CALN1: variants seen among roughly 807,000 people sequenced by gnomAD.
The protein encoded by CALN1 is calcium-binding protein 8.
CALN1 carries 17 observed loss-of-function variants against 30.6 expected under a neutral mutation model. The observed-to-expected ratio is 0.56, with a 90% CI of 0.38 to 0.83. The LOEUF (loss-of-function observed/expected upper bound fraction) is 0.83, where lower values mean the gene tolerates loss of function less well. Ranked by LOEUF, CALN1 falls within the 40% of genes least tolerant of loss-of-function variation. The pLI is 0.00. For missense variants in CALN1, 291 were observed against 354.9 expected (o/e 0.82, Z 1.45); for synonymous variants, 156 against 131.4 (o/e 1.19, Z -1.28).
chr7:72,294,224 T>C (rs766469502), intron 2 of CALN1, among the ~76,000 whole-genome samples: 3 of 152,146 alleles, frequency 2.0e-5, no homozygotes, highest in Non-Finnish European at 2.9e-5. Context: ...TTAAAATAAG[T>C]AGAGAAGTTT....
At chr7:72,420,343 C>T (rs574617020) in intron 1 of CALN1, among the ~76,000 whole-genome samples, 32 of 152,054 alleles carry the variant, frequency 2.1e-4, no homozygotes, top group Non-Finnish European at 4.1e-4. Context: ...GGCTCTAAAC[C>T]CCACAGGCAA....
intron 2 of CALN1, among the ~76,000 whole-genome samples, chr7:72,362,458 G>A (rs776728794): frequency 5.9e-5 from 9 of 152,082 alleles, no homozygotes; most frequent in Non-Finnish European, 1.2e-4. Flanking sequence ...CATCACCCTA[G>A]GAGGGTGATC....
At chr7:72,270,921 G>A (rs1186942765) in intron 3 of CALN1, among the ~76,000 whole-genome samples, 1 of 152,228 alleles carries the variant, frequency 6.6e-6, no homozygotes, top group African/African-American at 2.4e-5. Flanking sequence ...AGTGAATGCT[G>A]TTGTCTAGGA....
Position 72,074,874 on chromosome 7 carries a change from C to T in CALN1, c.388+31277G>A, listed in dbSNP as rs147251137. Among the ~76,000 whole-genome samples the T allele has an allele frequency of 2.5e-3, 386 of 152,270 alleles. 11 individuals are homozygous for T. The highest frequency in any genetic ancestry group is 3.7e-3 in the South Asian group (18 of 4,826). ...GGAACCTGGGGAACCAAACATAAAT[C>T]GGAGTAGATCACACTTCGAAGAAGT... On this transcript the variant is annotated intron_variant, in intron 4 of 6. Coordinates refer to ENST00000395275, the MANE Select transcript of CALN1 (RefSeq NM_031468.4).
intron 4 of CALN1, among the ~76,000 whole-genome samples, chr7:72,093,666 A>G (rs964466322): frequency 1.3e-5 from 2 of 152,188 alleles, no homozygotes; most frequent in African/African-American, 4.8e-5. Flanking sequence ...CTGCTTCTGA[A>G]CACCCTTGTA....
intron 3 of CALN1, among the ~76,000 whole-genome samples, chr7:72,203,381 C>T (rs997047075): frequency 7.9e-5 from 12 of 151,766 alleles, no homozygotes; most frequent in South Asian, 2.1e-4. Flanking sequence ...CTTAAATTTA[C>T]GCGAAACAAT....
chr7:71,923,776 G>C (rs886281441), intron 5 of CALN1, among the ~76,000 whole-genome samples: 6 of 146,162 alleles, frequency 4.1e-5, no homozygotes. Flanking sequence ...CACTTTTTTA[G>C]AGCACCACAA....
chr7:72,136,533 T>C (rs1374747106), intron 3 of CALN1, among the ~76,000 whole-genome samples: 2 of 152,240 alleles, frequency 1.3e-5, no homozygotes, highest in Non-Finnish European at 2.9e-5. Flanking sequence ...TGCTTTCTTA[T>C]CATTTGTGTG....
intron 2 of CALN1, chr7:72,337,112 C>CCCGGAGCCCAGTGG: frequency 1.0e-6 from 1 of 985,758 alleles, no homozygotes. Context: ...CTCGCTGCGC[C>CCCGGAGCCCAGTGG]CCGGAGCCCA....
rs888588661 is a variant in CALN1 at position 72,307,674 on chromosome 7, G to C, written c.120-28864C>G. On this transcript the variant is annotated intron_variant, in intron 2 of 6. Coordinates refer to ENST00000395275, the MANE Select transcript of CALN1 (RefSeq NM_031468.4). ...GAAGCAACCTCCTGGCTGAGCCTCT[G>C]GTGCAGATGCCGTGGGGAGGTGACG... Among the ~76,000 whole-genome samples, 3 of 152,146 alleles carry C rather than the reference G, an allele frequency of 2.0e-5. No individual in the cohort carries two copies. In the South Asian group the frequency reaches 6.2e-4, roughly 32 times the overall value.
At chr7:71,803,295 G>C (rs528775858) in intron 6 of CALN1, among the ~76,000 whole-genome samples, 56 of 152,182 alleles carry the variant, frequency 3.7e-4, no homozygotes, top group Non-Finnish European at 3.2e-4. Flanking sequence ...TTTTCCATCG[G>C]GAAGCCAGGT....
intron 2 of CALN1, chr7:72,337,043 G>C (rs566906645): frequency 2.0e-6 from 2 of 985,700 alleles, no homozygotes; most frequent in East Asian, 1.1e-4. Flanking sequence ...TGCACCGCGC[G>C]CTCCTCTACC....
intron 3 of CALN1, among the ~76,000 whole-genome samples, chr7:72,222,440 T>G (rs934515053): frequency 1.3e-5 from 2 of 152,072 alleles, no homozygotes; most frequent in South Asian, 4.2e-4. Context: ...CACACACTTT[T>G]AAACTATCAG....
At chr7:71,910,940 C>A (rs181974221) in intron 5 of CALN1, among the ~76,000 whole-genome samples, 4 of 152,258 alleles carry the variant, frequency 2.6e-5, no homozygotes, top group Non-Finnish European at 5.9e-5. Context: ...AAACGCCCAA[C>A]AGAAGCAATT....
At chr7:72,236,471 C>T (rs1034660220) in intron 3 of CALN1, among the ~76,000 whole-genome samples, 2 of 152,094 alleles carry the variant, frequency 1.3e-5, no homozygotes, top group Non-Finnish European at 2.9e-5. Flanking sequence ...CATATATGTT[C>T]GTTAAACCAG....
chr7:72,194,809 C>A lies in CALN1; in HGVS notation c.244+83877G>T, dbSNP rs1790876507. On this transcript the variant is annotated intron_variant, in intron 3 of 6. Coordinates refer to ENST00000395275, the MANE Select transcript of CALN1 (RefSeq NM_031468.4). ...GTTTCACCATGTTGGCCAGGATGGTCTCAATCTCTTGACCTCATGATCCAT... is the reference window on the plus strand; with the variant it reads ...GTTTCACCATGTTGGCCAGGATGGTATCAATCTCTTGACCTCATGATCCAT... Among the ~76,000 whole-genome samples, 3 of 151,912 alleles carry A rather than the reference C, an allele frequency of 2.0e-5. No homozygotes were observed. In the South Asian group the frequency reaches 6.2e-4, roughly 32 times the overall value.
chr7:72,450,368 T>C (rs1414901440), upstream of CALN1, among the ~76,000 whole-genome samples: 1 of 152,098 alleles, frequency 6.6e-6, no homozygotes, highest in Non-Finnish European at 1.5e-5. Flanking sequence ...ACACCTGGCA[T>C]AAACAGTGTC....
At chr7:72,342,330 G>A (rs776598313) in intron 2 of CALN1, among the ~76,000 whole-genome samples, 3 of 151,736 alleles carry the variant, frequency 2.0e-5, no homozygotes, top group Non-Finnish European at 4.4e-5. Context: ...CAGTTTCTTG[G>A]TCTTCCCCAG....
At chr7:72,303,779 G>A (rs895344906) in intron 2 of CALN1, among the ~76,000 whole-genome samples, 1 of 152,114 alleles carries the variant, frequency 6.6e-6, no homozygotes, top group African/African-American at 2.4e-5. Flanking sequence ...GGAGGCCGAG[G>A]CAGGAGGATC....
Sources: gnomAD v4.1 joint callset for allele counts (sites outside exome capture counted in the v4.1 genomes callset) on GRCh38, gnomAD v4.1.1 for gene constraint, MANE v1.5 for transcripts, NCBI Gene and HGNC (gene_info 2026-07-23, HGNC 2026-07-21) for gene names.